The following RALYL variants were observed in gnomAD, a reference collection of about 807,000 sequenced individuals.
RALYL encodes RNA-binding Raly-like protein.
Under a neutral mutation model 35.1 loss-of-function variants are expected in RALYL, and 29 were observed. The observed-to-expected ratio is 0.83, with a 90% CI of 0.61 to 1.13. The LOEUF (loss-of-function observed/expected upper bound fraction) is 1.13, where lower values mean the gene tolerates loss of function less well. RALYL is among the 50% of genes most tolerant of loss of function. The pLI is 0.00. For missense variants in RALYL, 359 were observed against 360.4 expected (o/e 1.00, Z 0.03); for synonymous variants, 120 against 127.6 (o/e 0.94, Z 0.40).
intron 2 of RALYL, among the ~76,000 whole-genome samples, chr8:84,734,052 A>G (rs1477795719): frequency 6.6e-6 from 1 of 152,210 alleles, no homozygotes; most frequent in African/African-American, 2.4e-5. Flanking sequence ...GCTGCTAATA[A>G]GGCTTTTACT....
intron 5 of RALYL, among the ~76,000 whole-genome samples, chr8:84,850,993 G>A (rs1306077344): frequency 1.3e-5 from 2 of 152,076 alleles, no homozygotes; most frequent in Non-Finnish European, 2.9e-5. Flanking sequence ...TTGAGTAGAG[G>A]AGTATCAATA....
At chr8:84,298,968 A>G (rs1470574631) in intron 1 of RALYL, among the ~76,000 whole-genome samples, 2 of 152,034 alleles carry the variant, frequency 1.3e-5, no homozygotes, top group Admixed American at 6.6e-5. Flanking sequence ...CGAAGAGACT[A>G]TAGAGTTTTC....
chr8:84,376,494 T>C (rs1856938378), intron 1 of RALYL, among the ~76,000 whole-genome samples: 1 of 151,884 alleles, frequency 6.6e-6, no homozygotes, highest in African/African-American at 2.4e-5. Flanking sequence ...CCAGAAAGAA[T>C]GGGTAAGAGA....
At chr8:84,269,944 T>C (rs1833989915) in intron 1 of RALYL, among the ~76,000 whole-genome samples, 1 of 151,944 alleles carries the variant, frequency 6.6e-6, no homozygotes. Flanking sequence ...TTTTAAAGAG[T>C]AAATTAGGGT....
chr8:84,688,486 C>A (rs541289559), intron 2 of RALYL, among the ~76,000 whole-genome samples: 1 of 151,876 alleles, frequency 6.6e-6, no homozygotes, highest in South Asian at 2.1e-4. Flanking sequence ...AAAATCACTT[C>A]GATAAGTGTT....
intron 2 of RALYL, among the ~76,000 whole-genome samples, chr8:84,681,670 GA>G (rs1224843752): frequency 6.6e-6 from 1 of 152,154 alleles, no homozygotes; most frequent in African/African-American, 2.4e-5. Flanking sequence ...GAATGCTTGT[GA>G]TTTTTGCACA....
At chr8:84,289,637 A>G (rs185059477) in intron 1 of RALYL, among the ~76,000 whole-genome samples, 1 of 152,202 alleles carries the variant, frequency 6.6e-6, no homozygotes, top group African/African-American at 2.4e-5. Flanking sequence ...TCCAGATTTT[A>G]TGTTTATTTG....
chr8:84,517,317 G>A (rs2058139982), intron 1 of RALYL, among the ~76,000 whole-genome samples: 4 of 152,148 alleles, frequency 2.6e-5, no homozygotes, highest in African/African-American at 7.2e-5. Flanking sequence ...ACTTGATTAT[G>A]TATATGCTGG....
intron 2 of RALYL, among the ~76,000 whole-genome samples, chr8:84,564,869 G>C (rs1472574354): frequency 6.6e-6 from 1 of 151,456 alleles, no homozygotes; most frequent in Admixed American, 6.6e-5. Context: ...TTCATATAAA[G>C]ATTCATATAA....
chr8:84,413,745 T>A (rs1478391312), intron 1 of RALYL, among the ~76,000 whole-genome samples: 1 of 152,064 alleles, frequency 6.6e-6, no homozygotes, highest in Non-Finnish European at 1.5e-5. Context: ...GAATAGATAA[T>A]CTTCATTTTA....
At position 84,510,262 on chromosome 8, in the gene RALYL, G is replaced by T. The variant is rs201737034; in HGVS notation, c.-23-19037G>T. The stretch of plus-strand genomic sequence containing the variant: ...AATTTACACTTGATCTTAGCCAAAA[G>T]GCTGAGAAGCGATCCCTATGGCAAA... On this transcript the variant is annotated intron_variant, in intron 1 of 8. Coordinates refer to ENST00000521268, the MANE Select transcript of RALYL (RefSeq NM_173848.7). Among the ~76,000 whole-genome samples, 15 of 152,194 alleles carry T rather than the reference G, an allele frequency of 9.9e-5. No individual in the cohort carries two copies. The East Asian group carries it at 2.9e-3, about 29-fold the overall frequency.
intron 2 of RALYL, among the ~76,000 whole-genome samples, chr8:84,533,499 A>T (rs1005747965): frequency 3.9e-5 from 6 of 152,168 alleles, no homozygotes; most frequent in African/African-American, 1.4e-4. Context: ...CTTTCTTTAT[A>T]TTCGGATTAT....
At chr8:84,743,186 A>C in intron 2 of RALYL, among the ~76,000 whole-genome samples, 1 of 152,026 alleles carries the variant, frequency 6.6e-6, no homozygotes, top group East Asian at 1.9e-4. Context: ...TTCTACAGAA[A>C]GTATTTCACA....
chr8:84,624,384 A>G (rs1424449856), intron 2 of RALYL, among the ~76,000 whole-genome samples: 2 of 152,180 alleles, frequency 1.3e-5, no homozygotes, highest in Non-Finnish European at 2.9e-5. Context: ...TGGAGGCTAT[A>G]GGAAAGAATC....
intron 2 of RALYL, among the ~76,000 whole-genome samples, chr8:84,703,305 A>C (rs1564401954): frequency 6.6e-6 from 1 of 152,164 alleles, no homozygotes; most frequent in Non-Finnish European, 1.5e-5. Flanking sequence ...GAAAAGTAAC[A>C]TAAGAAAGGA....
chr8:84,691,230 T>G (rs184065825), intron 2 of RALYL, among the ~76,000 whole-genome samples: 15 of 151,998 alleles, frequency 9.9e-5, no homozygotes, highest in East Asian at 1.9e-4. Flanking sequence ...AATGGGCTTG[T>G]GATGAACTCT....
intron 1 of RALYL, among the ~76,000 whole-genome samples, chr8:84,513,553 A>G (rs1322914981): frequency 1.3e-5 from 2 of 152,188 alleles, no homozygotes; most frequent in Non-Finnish European, 2.9e-5. Flanking sequence ...TTACACCTTG[A>G]TTAAGGACTC....
At chr8:84,895,410 C>T (rs1174639602) in intron 8 of RALYL, among the ~76,000 whole-genome samples, 7 of 149,564 alleles carry the variant, frequency 4.7e-5, no homozygotes, top group African/African-American at 1.7e-4. Context: ...GCATTTGTAT[C>T]CTCTTATATA....
intron 2 of RALYL, among the ~76,000 whole-genome samples, chr8:84,545,707 C>A (rs909556466): frequency 1.3e-5 from 2 of 151,990 alleles, no homozygotes; most frequent in South Asian, 4.1e-4. Context: ...CACATTATAT[C>A]TTTTTTTCTT....
Sources: gnomAD v4.1 joint callset for allele counts (sites outside exome capture counted in the v4.1 genomes callset) on GRCh38, gnomAD v4.1.1 for gene constraint, MANE v1.5 for transcripts, NCBI Gene and HGNC (gene_info 2026-07-23, HGNC 2026-07-21) for gene names.